The following HCN1 variants were observed in gnomAD, a reference collection of about 807,000 sequenced individuals.
HCN1 encodes potassium/sodium hyperpolarization-activated cyclic nucleotide-gated channel 1.
Under a neutral mutation model 78.9 loss-of-function variants are expected in HCN1, and 13 were observed. The ratio of observed to expected loss-of-function variants is 0.16; its 90% CI spans 0.11 to 0.26. The LOEUF (loss-of-function observed/expected upper bound fraction) is 0.26, where lower values mean the gene tolerates loss of function less well. Among genes scored for constraint, HCN1 ranks in the 10% least tolerant of loss-of-function variants. The pLI, the probability that HCN1 is intolerant of heterozygous loss-of-function variation, is 1.00. For synonymous variants in HCN1, 552 were observed against 455.5 expected (o/e 1.21, Z -2.70); for missense variants, 810 against 1,154.3 (o/e 0.70, Z 4.32).
intron 1 of HCN1, among the ~76,000 whole-genome samples, chr5:45,691,683 G>C (rs897960647): frequency 6.6e-6 from 1 of 152,152 alleles, no homozygotes; most frequent in Middle Eastern, 3.2e-3. Flanking sequence ...TAACATAACA[G>C]TAGGCTAATT....
chr5:45,576,403 T>C (rs1743945792), intron 2 of HCN1: 1 of 152,154 alleles, frequency 6.6e-6, no homozygotes, highest in South Asian at 2.1e-4. Context: ...TTCTACCATG[T>C]GTAAAATGCC....
At chr5:45,580,530 T>C (rs969590943) in intron 2 of HCN1, among the ~76,000 whole-genome samples, 1 of 152,012 alleles carries the variant, frequency 6.6e-6, no homozygotes, top group African/African-American at 2.4e-5. Flanking sequence ...GATTTGTTGT[T>C]TTTTTGTTTT....
At chr5:45,562,911 A>G (rs1743634297) in intron 2 of HCN1, among the ~76,000 whole-genome samples, 1 of 152,228 alleles carries the variant, frequency 6.6e-6, no homozygotes, top group South Asian at 2.1e-4. Context: ...CAAAATACAT[A>G]GGATATGTGA....
chr5:45,520,616 T>C (rs1239265628), intron 2 of HCN1, among the ~76,000 whole-genome samples: 2 of 152,112 alleles, frequency 1.3e-5, no homozygotes, highest in Non-Finnish European at 2.9e-5. Flanking sequence ...AATATTATTC[T>C]ATGATGCTTA....
chr5:45,611,414 G>A (rs2111978961), intron 2 of HCN1, among the ~76,000 whole-genome samples: 1 of 151,472 alleles, frequency 6.6e-6, no homozygotes, highest in Middle Eastern at 3.4e-3. Context: ...TGGGATTACA[G>A]GCGCCCACCA....
At chr5:45,654,199 G>C (rs968463863) in intron 1 of HCN1, among the ~76,000 whole-genome samples, 5 of 151,938 alleles carry the variant, frequency 3.3e-5, no homozygotes, top group Non-Finnish European at 7.4e-5. Context: ...TTATATTTCT[G>C]TAAGTCTATA....
In HCN1 at chr5:45,280,036, A is replaced by G. The variant is rs142046297; in HGVS notation, c.1619-12783T>C. Among the ~76,000 whole-genome samples, 327 of 152,256 alleles carry G rather than the reference A, an allele frequency of 2.1e-3. 1 individual carries two copies. The highest frequency in any genetic ancestry group is 7.6e-3 in the African/African-American group (315 of 41,570). ...TTGAAACATGAAAGATATATAATTT[A>G]TTATAATACCATATCAGGACAAGAA... On this transcript the variant is annotated intron_variant, in intron 6 of 7. Transcript: ENST00000303230.
At chr5:45,371,562 T>C (rs1286627615) in intron 4 of HCN1, among the ~76,000 whole-genome samples, 1 of 151,260 alleles carries the variant, frequency 6.6e-6, no homozygotes, top group African/African-American at 2.4e-5. Flanking sequence ...TTTGAGACCA[T>C]CCTGGACAAC....
intron 5 of HCN1, among the ~76,000 whole-genome samples, chr5:45,304,900 AT>A (rs1156351900): frequency 6.6e-6 from 1 of 152,124 alleles, no homozygotes; most frequent in Non-Finnish European, 1.5e-5. Context: ...GGTTAGACAT[AT>A]TTTTATCCCT....
chr5:45,344,189 G>C (rs935488065), intron 5 of HCN1, among the ~76,000 whole-genome samples: 2 of 152,036 alleles, frequency 1.3e-5, no homozygotes, highest in African/African-American at 4.8e-5. Flanking sequence ...CAGATCTTGG[G>C]AGAACTCACT....
intron 2 of HCN1, among the ~76,000 whole-genome samples, chr5:45,544,445 GA>G (rs1743166820): frequency 6.6e-6 from 1 of 151,482 alleles, no homozygotes; most frequent in Non-Finnish European, 1.5e-5. Flanking sequence ...GGCATCTTCT[GA>G]ATTTTTTTTT....
At chr5:45,468,853 C>T (rs562554809) in intron 2 of HCN1, among the ~76,000 whole-genome samples, 19 of 152,104 alleles carry the variant, frequency 1.2e-4, no homozygotes, top group Non-Finnish European at 2.5e-4. Flanking sequence ...GCACAGAGCT[C>T]GTGCTCAACA....
At chr5:45,352,170 T>C (rs998326350) in intron 5 of HCN1, among the ~76,000 whole-genome samples, 7 of 152,242 alleles carry the variant, frequency 4.6e-5, no homozygotes, top group African/African-American at 9.6e-5. Context: ...ATGTGGCACA[T>C]ATACACCATG....
At chr5:45,268,283 T>C (rs1166988380) in intron 6 of HCN1, among the ~76,000 whole-genome samples, 1 of 152,232 alleles carries the variant, frequency 6.6e-6, no homozygotes, top group African/African-American at 2.4e-5. Context: ...TGAAGCTATA[T>C]AGCTATTAAG....
intron 2 of HCN1, among the ~76,000 whole-genome samples, chr5:45,476,877 G>C (rs1223023968): frequency 6.6e-6 from 1 of 152,010 alleles, no homozygotes; most frequent in Non-Finnish European, 1.5e-5. Flanking sequence ...ATTGCATAAA[G>C]TTACCTTCAG....
rs146269776 is a variant in HCN1, at chr5:45,509,185, A to T, written c.850-47178T>A. 4.4e-3 allele frequency among the ~76,000 whole-genome samples: 676 copies of T among 152,220 alleles called. 8 individuals carry two copies. The highest frequency in any genetic ancestry group is 0.015 in the African/African-American group (619 of 41,558). On this transcript the variant is annotated intron_variant, in intron 2 of 7. Transcript: ENST00000303230. ...ATTTTCTGCTAAATCGATCTTGTTC[A>T]TTTGTAACTAGGAGTGCACCTCATA...
chr5:45,375,817 A>AATATTTTATGATATATCTTATAT (rs1561131825), intron 4 of HCN1, among the ~76,000 whole-genome samples: 2 of 111,154 alleles, frequency 1.8e-5, no homozygotes, highest in African/African-American at 4.1e-5. Flanking sequence ...TATATAATAT[A>AATATTTTATGATATATCTTATAT]ATATTTTATG....
At chr5:45,650,728 T>C (rs1745660477) in intron 1 of HCN1, among the ~76,000 whole-genome samples, 1 of 151,976 alleles carries the variant, frequency 6.6e-6, no homozygotes, top group African/African-American at 2.4e-5. Context: ...TAAAGTGGCG[T>C]TGTAAAGATT....
At chr5:45,350,127 A>G (rs1235803983) in intron 5 of HCN1, among the ~76,000 whole-genome samples, 1 of 152,234 alleles carries the variant, frequency 6.6e-6, no homozygotes, top group African/African-American at 2.4e-5. Context: ...AAGCCTCAAT[A>G]AAATACTGGC....
Sources: gnomAD v4.1 joint callset for allele counts (sites outside exome capture counted in the v4.1 genomes callset) on GRCh38, gnomAD v4.1.1 for gene constraint, MANE v1.5 for transcripts, NCBI Gene and HGNC (gene_info 2026-07-23, HGNC 2026-07-21) for gene names.